CACNA1S: variants seen among roughly 807,000 people sequenced by gnomAD.
The protein encoded by CACNA1S is calcium voltage-gated channel subunit alpha1 S, also known as voltage-dependent L-type calcium channel subunit alpha-1S.
Under a neutral mutation model 207.4 loss-of-function variants are expected in CACNA1S, and 126 were observed. That is an observed-to-expected ratio of 0.61 (90% CI 0.53 to 0.70). The LOEUF (loss-of-function observed/expected upper bound fraction) is 0.70, where lower values mean the gene tolerates loss of function less well. Among genes scored for constraint, CACNA1S ranks in the 30% least tolerant of loss-of-function variants. The probability of loss-of-function intolerance (pLI) is 0.00; values close to 1 mark genes in which losing one functional copy is unlikely to be tolerated. For missense variants in CACNA1S, 2,349 were observed against 2,422.8 expected, an observed-to-expected ratio of 0.97 and a Z score of 0.64; for synonymous variants, 960 against 932.7, an observed-to-expected ratio of 1.03 and a Z score of -0.53.
At chr1:201,063,375 C>T (rs574896003) in intron 22 of CACNA1S, among the ~76,000 whole-genome samples, 2 of 145,882 alleles carry the variant, frequency 1.4e-5, no homozygotes, top group East Asian at 4.1e-4. Context: ...CTGCAATCTC[C>T]GCCTCCCCGG....
chr1:201,076,560 A>G (rs1465348931), intron 12 of CACNA1S, among the ~76,000 whole-genome samples: 4 of 152,248 alleles, frequency 2.6e-5, no homozygotes, highest in Non-Finnish European at 5.9e-5. Context: ...CTTCGGGAGA[A>G]AAAGCTCCCC....
intron 2 of CACNA1S, among the ~76,000 whole-genome samples, chr1:201,104,690 A>G (rs1183316908): frequency 2.0e-5 from 3 of 152,246 alleles, no homozygotes; most frequent in Non-Finnish European, 4.4e-5. Context: ...TGAACATCAT[A>G]CTTTGACATA....
chr1:201,100,787 G>A (rs190679140), intron 2 of CACNA1S, among the ~76,000 whole-genome samples: 12 of 152,110 alleles, frequency 7.9e-5, no homozygotes, highest in Non-Finnish European at 1.6e-4. Context: ...GTAAGCACCC[G>A]CTTATGAGCC....
At chr1:201,105,953 G>A (rs1662865887) in intron 2 of CACNA1S, among the ~76,000 whole-genome samples, 1 of 152,010 alleles carries the variant, frequency 6.6e-6, no homozygotes, top group African/African-American at 2.4e-5. Flanking sequence ...TTTGGCATGT[G>A]CCAAAGTGAG....
At chr1:201,096,256 G>T (rs904306966) in intron 2 of CACNA1S, among the ~76,000 whole-genome samples, 2 of 152,158 alleles carry the variant, frequency 1.3e-5, no homozygotes, top group Non-Finnish European at 2.9e-5. Context: ...GCCCAACCCT[G>T]GAGTGCCTGG....
chr1:201,050,753 A>C (rs976132403), intron 33 of CACNA1S, among the ~76,000 whole-genome samples: 18 of 146,672 alleles, frequency 1.2e-4, no homozygotes, highest in Non-Finnish European at 2.6e-4. Flanking sequence ...TAACCAAAAC[A>C]AAAAAAAAAA....
At chr1:201,085,679 G>A in intron 7 of CACNA1S, 98 bp from the exon 8 acceptor site, 1 of 1,431,768 alleles carries the variant, frequency 7.0e-7, no homozygotes, top group Non-Finnish European at 9.6e-7. Flanking sequence ...TTCTGTGACT[G>A]GAGCGCTCCT....
intron 2 of CACNA1S, 51 bp downstream of exon 2, chr1:201,110,113 A>C (rs1181762401): frequency 1.9e-6 from 3 of 1,539,142 alleles, no homozygotes; most frequent in Non-Finnish European, 2.7e-6. Context: ...GGGCCTCCCC[A>C]AGCCTGGGGC....
At chr1:201,091,826 T>C (rs1572062332) in intron 4 of CACNA1S, 34 bp from the exon 5 acceptor site, 1 of 1,601,314 alleles carries the variant, frequency 6.2e-7, no homozygotes, top group Non-Finnish European at 8.5e-7. Flanking sequence ...AAAAGAGGAG[T>C]CGCCTCTGCT....
rs956789569 is a variant in CACNA1S, at chr1:201,048,825, G to T, written c.4339-141C>A. On this transcript the variant is annotated intron_variant, in intron 35 of 43. Transcript: ENST00000362061. ...AGCTGACCAGGACATCCTTTGTGAGGGGACAGAATGATGAGTTGGGTGACA... is the reference window on the plus strand; with the variant it reads ...AGCTGACCAGGACATCCTTTGTGAGTGGACAGAATGATGAGTTGGGTGACA... 5.9e-6 allele frequency: 5 copies of T among 842,468 alleles called. No homozygotes were observed. The African/African-American group carries it at 8.3e-5, about 14-fold the overall frequency. 52.2% of individuals were successfully genotyped at this position (842,468 alleles called of 1,614,324 possible).
intron 34 of CACNA1S, 120 bp from the exon 35 acceptor site, chr1:201,049,219 C>T (rs1012435608): frequency 5.5e-6 from 4 of 721,268 alleles, no homozygotes; most frequent in South Asian, 3.1e-5. Flanking sequence ...TCCTTATTTT[C>T]CAACTGTGTT....
intron 2 of CACNA1S, among the ~76,000 whole-genome samples, chr1:201,098,408 A>T (rs1662516906): frequency 6.6e-6 from 1 of 152,226 alleles, no homozygotes; most frequent in African/African-American, 2.4e-5. Context: ...TCAAAGTCAC[A>T]TGGCAAATCC....
chr1:201,059,800 T>G (rs1660976552), intron 26 of CACNA1S, among the ~76,000 whole-genome samples: 1 of 152,260 alleles, frequency 6.6e-6, no homozygotes, highest in South Asian at 2.1e-4. Flanking sequence ...CCAGTGATTA[T>G]GAGGCATGAT....
intron 10 of CACNA1S, 119 bp from the exon 11 acceptor site, chr1:201,078,223 G>C (rs1207595184): frequency 3.6e-6 from 3 of 827,834 alleles, no homozygotes; most frequent in Non-Finnish European, 6.3e-6. Context: ...AGGCACCATG[G>C]ATGTTTTTTG....
At chr1:201,061,820 G>T (rs1661059831) in intron 24 of CACNA1S, 124 bp downstream of exon 24, 6 of 1,081,278 alleles carry the variant, frequency 5.5e-6, no homozygotes, top group Non-Finnish European at 8.6e-6. Flanking sequence ...TCAGAGAGTT[G>T]GTGGGTTTGT....
chr1:201,069,834 C>A (rs964525198), intron 17 of CACNA1S, among the ~76,000 whole-genome samples: 15 of 152,198 alleles, frequency 9.9e-5, no homozygotes, highest in African/African-American at 3.6e-4. Context: ...CTCCCACCAC[C>A]TGCCCCTTCC....
chr1:201,053,130 C>A lies in CACNA1S; in HGVS notation c.3861+79G>T. On this transcript the variant is annotated intron_variant, in intron 31 of 43. Coordinates refer to ENST00000362061, the MANE Select transcript of CACNA1S (RefSeq NM_000069.3). This position sits in a 1 kb window ranked among gnomAD's most constrained non-coding sequence, Gnocchi z 5.1. ...CGGAGGGTCCAGCCCGTGTGCTGCTCAGGCTCCTCAGGGTCCACTGATGCC... is the reference window on the plus strand; with the variant it reads ...CGGAGGGTCCAGCCCGTGTGCTGCTAAGGCTCCTCAGGGTCCACTGATGCC... 1 of 1,516,470 alleles carries A rather than the reference C, an allele frequency of 6.6e-7. No individual in the cohort carries two copies. The allele number at this position is 1,516,470 out of a possible 1,614,324, so 93.9% of individuals were successfully genotyped here. A position where few individuals can be genotyped will look rare whatever the true frequency, so the allele number is the denominator to read the frequency against.
At chr1:201,106,322 A>G (rs556672055) in intron 2 of CACNA1S, among the ~76,000 whole-genome samples, 8 of 151,164 alleles carry the variant, frequency 5.3e-5, no homozygotes, top group East Asian at 2.0e-4. Flanking sequence ...CCTGCTTCCC[A>G]TCTCACCCCA....
At chr1:201,090,118 C>T (rs1662172166) in intron 5 of CACNA1S, among the ~76,000 whole-genome samples, 1 of 152,146 alleles carries the variant, frequency 6.6e-6, no homozygotes, top group Non-Finnish European at 1.5e-5. Context: ...ACTGGAACAC[C>T]CTGCCTTACC....
Sources: allele counts gnomAD v4.1 joint callset (sites outside exome capture counted in the v4.1 genomes callset), GRCh38; gene constraint gnomAD v4.1.1; non-coding constraint Gnocchi (gnomAD v3.1); transcripts MANE v1.5; gene names NCBI Gene and HGNC (gene_info 2026-07-23, HGNC 2026-07-21).